The following SAMMSON variants were observed in gnomAD, a reference collection of about 807,000 sequenced individuals.
The protein encoded by SAMMSON is long intergenic non-protein coding RNA 1212.
intron 7 of SAMMSON, among the ~76,000 whole-genome samples, chr3:70,307,190 G>T (rs547293604): frequency 5.9e-5 from 9 of 152,198 alleles, no homozygotes; most frequent in Non-Finnish European, 7.4e-5. Flanking sequence ...TTTTATTGTT[G>T]TTGTTTTGGT....
At chr3:70,086,893 AT>A (rs1458541980) in intron 4 of SAMMSON, among the ~76,000 whole-genome samples, 1 of 152,186 alleles carries the variant, frequency 6.6e-6, no homozygotes, top group Non-Finnish European at 1.5e-5. Context: ...CCCAGGAGGC[AT>A]TATTAGTTTT....
chr3:70,077,037 G>A (rs376996421), intron 4 of SAMMSON, among the ~76,000 whole-genome samples: 95 of 152,164 alleles, frequency 6.2e-4, no homozygotes, highest in Non-Finnish European at 1.2e-3. Flanking sequence ...CTTTGTGGGG[G>A]GAATTTGAGA....
intron 4 of SAMMSON, chr3:70,126,109 G>T: frequency 7.9e-7 from 1 of 1,259,526 alleles, no homozygotes; most frequent in Non-Finnish European, 1.1e-6. Flanking sequence ...TACTCTGTTT[G>T]TTAGGATTGT....
At chr3:70,368,354 C>T (rs1156437614) in intron 9 of SAMMSON, among the ~76,000 whole-genome samples, 2 of 151,356 alleles carry the variant, frequency 1.3e-5, no homozygotes, top group Non-Finnish European at 3.0e-5. Context: ...ATATGAGCAG[C>T]ATGATGTCAA....
At chr3:70,168,770 C>A (rs1294378324) in intron 4 of SAMMSON, among the ~76,000 whole-genome samples, 1 of 151,932 alleles carries the variant, frequency 6.6e-6, no homozygotes, top group East Asian at 1.9e-4. Context: ...TTAGCATATA[C>A]CTTGCTTATT....
chr3:70,021,609 C>T (rs565672921), intron 3 of SAMMSON, among the ~76,000 whole-genome samples: 1 of 152,160 alleles, frequency 6.6e-6, no homozygotes, highest in African/African-American at 2.4e-5. Context: ...AATTAATTGT[C>T]TTTAAGGATC....
chr3:70,159,496 A>G (rs1193565546), intron 4 of SAMMSON: 1 of 152,034 alleles, frequency 6.6e-6, no homozygotes, highest in African/African-American at 2.4e-5. Context: ...TGATTGTACC[A>G]TTCATACATT....
At chr3:70,195,393 G>A (rs1047072158) in intron 4 of SAMMSON, among the ~76,000 whole-genome samples, 2 of 152,192 alleles carry the variant, frequency 1.3e-5, no homozygotes, top group Admixed American at 1.3e-4. Context: ...TGGGTGCACT[G>A]CACTTCCAGG....
chr3:70,214,110 A>G (rs1320096499), intron 4 of SAMMSON, among the ~76,000 whole-genome samples: 1 of 152,128 alleles, frequency 6.6e-6, no homozygotes, highest in Non-Finnish European at 1.5e-5. Context: ...ATAAGTAACT[A>G]TGGAGTATTC....
At chr3:70,353,717 G>C (rs774249539) in intron 7 of SAMMSON, among the ~76,000 whole-genome samples, 4 of 152,078 alleles carry the variant, frequency 2.6e-5, no homozygotes, top group Admixed American at 6.6e-5. Context: ...GAATTCTTGG[G>C]CATTTATCCC....
chr3:70,219,348 CG>C (rs1175770451), intron 4 of SAMMSON, among the ~76,000 whole-genome samples: 1 of 152,088 alleles, frequency 6.6e-6, no homozygotes, highest in African/African-American at 2.4e-5. Context: ...TGCATGCTCC[CG>C]ATTCACAAAC....
chr3:70,377,557 A>C (rs1460434250), intron 9 of SAMMSON, among the ~76,000 whole-genome samples: 1 of 152,110 alleles, frequency 6.6e-6, no homozygotes, highest in Non-Finnish European at 1.5e-5. Flanking sequence ...ATTTAGAAGA[A>C]TGTTTTTATA....
intron 4 of SAMMSON, among the ~76,000 whole-genome samples, chr3:70,103,338 G>A (rs2067353282): frequency 6.6e-6 from 1 of 152,080 alleles, no homozygotes; most frequent in African/African-American, 2.4e-5. Flanking sequence ...TGAGGGAGAG[G>A]GAAGAAACGA....
intron 4 of SAMMSON, among the ~76,000 whole-genome samples, chr3:70,162,724 A>G (rs1264325715): frequency 6.6e-6 from 1 of 151,928 alleles, no homozygotes; most frequent in Admixed American, 6.6e-5. Flanking sequence ...AGTTTCTGAG[A>G]GTGTAATATG....
intron 9 of SAMMSON, among the ~76,000 whole-genome samples, chr3:70,389,280 T>C (rs1701021151): frequency 6.6e-6 from 1 of 152,056 alleles, no homozygotes; most frequent in African/African-American, 2.4e-5. Flanking sequence ...CTGTGTAGTA[T>C]AAAATGGTAA....
intron 2 of SAMMSON, among the ~76,000 whole-genome samples, chr3:70,414,382 A>G (rs775269193): frequency 6.6e-6 from 1 of 152,166 alleles, no homozygotes; most frequent in Non-Finnish European, 1.5e-5. Flanking sequence ...ATAACTAAAA[A>G]GTAACAAATA....
At chr3:70,385,545 T>TG (rs1409201071) in intron 9 of SAMMSON, among the ~76,000 whole-genome samples, 1 of 151,972 alleles carries the variant, frequency 6.6e-6, no homozygotes, top group Admixed American at 6.6e-5. Context: ...GGGGTGACAA[T>TG]GGGGGGCACC....
At chr3:70,205,847 G>C (rs1483790398) in intron 4 of SAMMSON, 1 of 151,966 alleles carries the variant, frequency 6.6e-6, no homozygotes, top group Non-Finnish European at 1.5e-5. Context: ...TGTAGATACT[G>C]AACACTACAA....
intron 3 of SAMMSON, among the ~76,000 whole-genome samples, chr3:70,063,121 A>G (rs1444955912): frequency 2.0e-5 from 3 of 150,008 alleles, no homozygotes; most frequent in African/African-American, 7.4e-5. Flanking sequence ...TTTCCTTGAA[A>G]TGCTTCTCAC....
Sources: allele counts gnomAD v4.1 joint callset (sites outside exome capture counted in the v4.1 genomes callset), GRCh38; gene constraint gnomAD v4.1.1; transcripts MANE v1.5; gene names NCBI Gene and HGNC (gene_info 2026-07-23, HGNC 2026-07-21).